The following PCDHA11 variants were observed in gnomAD, a reference collection of about 807,000 sequenced individuals.
The protein encoded by PCDHA11 is protocadherin alpha-11.
In PCDHA11, 61 loss-of-function variants were observed where a neutral mutation model predicts 70.3. The ratio of observed to expected loss-of-function variants is 0.87; its 90% CI spans 0.71 to 1.07. The LOEUF (loss-of-function observed/expected upper bound fraction) is 1.07, where lower values mean the gene tolerates loss of function less well. Among genes scored for constraint, PCDHA11 ranks in the 50% least tolerant of loss-of-function variants. The probability of loss-of-function intolerance (pLI) is 0.00; values close to 1 mark genes in which losing one functional copy is unlikely to be tolerated. For synonymous variants in PCDHA11, 633 were observed against 555.1 expected (o/e 1.14, Z -1.97); for missense variants, 1,324 against 1,237.5 (o/e 1.07, Z -1.05).
rs570001791 is a variant in PCDHA11, at chr5:140,924,660, C to T, written c.2391+53166C>T. Among the ~76,000 whole-genome samples the T allele has an allele frequency of 2.5e-3, 382 of 152,090 alleles. 1 individual carries two copies. Among genetic ancestry groups the T allele is most frequent in the South Asian group, 8.9e-3 (43 of 4,822 alleles). Reference sequence around the variant, plus strand: ...CTGTAATCCCAGCACTTTGGGAGGCCGAGGCAGGCCAATCACTTGAGGTCA... The same window carrying T: ...CTGTAATCCCAGCACTTTGGGAGGCTGAGGCAGGCCAATCACTTGAGGTCA... On this transcript the variant is annotated intron_variant, in intron 1 of 3. Coordinates refer to ENST00000398640, the MANE Select transcript of PCDHA11 (RefSeq NM_018902.5).
chr5:140,911,907 C>T (rs926309943), intron 1 of PCDHA11, among the ~76,000 whole-genome samples: 2 of 152,110 alleles, frequency 1.3e-5, no homozygotes, highest in Admixed American at 6.6e-5. Flanking sequence ...AGTCAGAGCT[C>T]TCTAGAGGAC....
chr5:140,971,123 G>A (rs1305525231), intron 1 of PCDHA11, among the ~76,000 whole-genome samples: 1 of 152,182 alleles, frequency 6.6e-6, no homozygotes, highest in Non-Finnish European at 1.5e-5. Context: ...GTGGGCTACA[G>A]GTGGTGAAGA....
At chr5:140,880,748 G>T (rs950550579) in intron 1 of PCDHA11, among the ~76,000 whole-genome samples, 10 of 152,220 alleles carry the variant, frequency 6.6e-5, no homozygotes, top group Non-Finnish European at 1.2e-4. Flanking sequence ...GATTGTCAGT[G>T]TAACTGCGTG....
At chr5:140,915,626 GTCTCTCTCTC>G (rs57920489) in intron 1 of PCDHA11, among the ~76,000 whole-genome samples, 5 of 146,436 alleles carry the variant, frequency 3.4e-5, no homozygotes, top group Admixed American at 2.0e-4. Context: ...GTCTCTTTCT[GTCTCTCTCTC>G]TCTCTCTCTC....
At chr5:140,882,086 A>T in intron 1 of PCDHA11, 2 of 1,056,122 alleles carry the variant, frequency 1.9e-6, no homozygotes, top group Non-Finnish European at 2.7e-6. Context: ...GTCGCTCTTC[A>T]CTGAGAACGT....
intron 1 of PCDHA11, among the ~76,000 whole-genome samples, chr5:140,951,417 C>G (rs1259525145): frequency 6.6e-6 from 1 of 152,044 alleles, no homozygotes; most frequent in Non-Finnish European, 1.5e-5. Context: ...AATTGGCTCA[C>G]AGTTCCACAG....
intron 1 of PCDHA11, chr5:140,884,514 CG>C (rs1244903550): frequency 5.0e-6 from 8 of 1,614,058 alleles, no homozygotes; most frequent in Middle Eastern, 1.6e-4. Flanking sequence ...GGGAGTTGGT[CG>C]TACTCGCAGC....
intron 1 of PCDHA11, chr5:140,967,312 A>G (rs1554229425): frequency 5.0e-6 from 8 of 1,611,226 alleles, no homozygotes; most frequent in Admixed American, 1.7e-5. Context: ...CCAACTCAGT[A>G]CAGACCTACG....
At chr5:140,875,304 A>G in intron 1 of PCDHA11, 6 of 1,416,398 alleles carry the variant, frequency 4.2e-6, no homozygotes, top group Non-Finnish European at 5.5e-6. Context: ...TTTTCTCCGC[A>G]CCCACATTCC....
intron 2 of PCDHA11, among the ~76,000 whole-genome samples, chr5:140,981,053 A>T (rs1422870263): frequency 6.6e-6 from 1 of 152,206 alleles, no homozygotes; most frequent in Non-Finnish European, 1.5e-5. Flanking sequence ...AGATAATTCT[A>T]GAGTGTAGAC....
intron 1 of PCDHA11, among the ~76,000 whole-genome samples, chr5:140,906,524 G>A (rs1401305370): frequency 2.0e-5 from 3 of 152,156 alleles, no homozygotes; most frequent in Non-Finnish European, 2.9e-5. Context: ...AAATACTCAC[G>A]ACAATTAAAA....
At chr5:140,966,645 C>A in intron 1 of PCDHA11, 1 of 1,125,650 alleles carries the variant, frequency 8.9e-7, no homozygotes, top group African/African-American at 1.7e-5. Context: ...CTTTCTAGAG[C>A]GTGAGCGGTG....
chr5:140,981,220 C>T (rs1160783614), intron 2 of PCDHA11, among the ~76,000 whole-genome samples: 3 of 152,164 alleles, frequency 2.0e-5, no homozygotes, highest in African/African-American at 4.8e-5. Context: ...CCCCTTTAGT[C>T]AGTAGTCTAA....
At chr5:140,949,271 TGAAAA>T (rs1377326965) in intron 1 of PCDHA11, among the ~76,000 whole-genome samples, 5 of 151,804 alleles carry the variant, frequency 3.3e-5, no homozygotes, top group Non-Finnish European at 5.9e-5. Flanking sequence ...CACGTGCACT[TGAAAA>T]GAATGTATAT....
intron 1 of PCDHA11, among the ~76,000 whole-genome samples, chr5:140,887,801 G>C (rs1377550372): frequency 1.3e-5 from 2 of 151,856 alleles, no homozygotes; most frequent in Admixed American, 1.3e-4. Context: ...CTTTATTTTT[G>C]TCCATTTCTT....
intron 1 of PCDHA11, among the ~76,000 whole-genome samples, chr5:140,964,816 T>A (rs79964853): frequency 0.016 from 2,494 of 151,960 alleles, 68 homozygotes; most frequent in African/African-American, 0.056. Context: ...CAGGAATAGA[T>A]TTTGATGAAA....
chr5:140,897,086 T>TA (rs1430532398), intron 1 of PCDHA11, among the ~76,000 whole-genome samples: 12 of 152,178 alleles, frequency 7.9e-5, no homozygotes, highest in Non-Finnish European at 1.6e-4. Flanking sequence ...TTCTATTTTT[T>TA]ATCCTCATTA....
At position 140,968,115 on chromosome 5, in the gene PCDHA11, C is replaced by T. The variant is rs199565711; in HGVS notation, c.2392-10834C>T. On this transcript the variant is annotated intron_variant, in intron 1 of 3. Coordinates refer to ENST00000398640, the MANE Select transcript of PCDHA11 (RefSeq NM_018902.5). ...ACAGATGGGGGAATACCGCAGCTCACATCCCTGCGTACACTGAAGGTTGAG... is the reference window on the plus strand; with the variant it reads ...ACAGATGGGGGAATACCGCAGCTCATATCCCTGCGTACACTGAAGGTTGAG... 8.7e-6 allele frequency: 14 copies of T among 1,614,068 alleles called. No individual in the cohort carries two copies. In the Admixed American group the frequency reaches 1.2e-4, roughly 13 times the overall value.
intron 1 of PCDHA11, among the ~76,000 whole-genome samples, chr5:140,946,570 C>G (rs1488950892): frequency 7.2e-6 from 1 of 138,492 alleles, no homozygotes; most frequent in Non-Finnish European, 1.5e-5. Context: ...ATAGAATCAA[C>G]TTAGGTGTTC....
Sources: gnomAD v4.1 joint callset for allele counts (sites outside exome capture counted in the v4.1 genomes callset) on GRCh38, gnomAD v4.1.1 for gene constraint, MANE v1.5 for transcripts, NCBI Gene and HGNC (gene_info 2026-07-23, HGNC 2026-07-21) for gene names.